The following C14orf39 variants were observed in gnomAD, a reference collection of about 807,000 sequenced individuals.
C14orf39 encodes the protein chromosome 14 open reading frame 39.
A neutral mutation model predicts 85.6 loss-of-function variants in C14orf39; 66 were observed. The observed-to-expected ratio is 0.77, with a 90% CI of 0.63 to 0.95. C14orf39 has a LOEUF of 0.95. Among genes scored for constraint, C14orf39 ranks in the 40% least tolerant of loss-of-function variants. The pLI, the probability that C14orf39 is intolerant of heterozygous loss-of-function variation, is 0.00. For missense variants in C14orf39, 735 were observed against 663.9 expected, an observed-to-expected ratio of 1.11 and a Z score of -1.18; for synonymous variants, 242 against 214.0, an observed-to-expected ratio of 1.13 and a Z score of -1.14.
chr14:60,512,937 T>G (rs1419886287), intron 1 of C14orf39: 1 of 152,200 alleles, frequency 6.6e-6, no homozygotes, highest in Non-Finnish European at 1.5e-5. Context: ...AAGATGTTCT[T>G]TGGATCAGAA....
Position 60,454,729 on chromosome 14 carries a change from A to T in C14orf39, c.1503+272T>A, listed in dbSNP as rs555681483. 9.9e-5 allele frequency among the ~76,000 whole-genome samples: 15 copies of T among 152,138 alleles called. No individual in the cohort carries two copies. The South Asian group carries it at 2.7e-3, about 27-fold the overall frequency. On this transcript the variant is annotated intron_variant, in intron 16 of 17. Transcript: ENST00000321731. ...TGTCTGAAAGTTAGACACATTAACTATAAAGTCAAATTCATTTTTTAAACT... is the reference window on the plus strand; with the variant it reads ...TGTCTGAAAGTTAGACACATTAACTTTAAAGTCAAATTCATTTTTTAAACT...
chr14:60,460,553 A>G (rs1891473287), intron 13 of C14orf39, among the ~76,000 whole-genome samples: 1 of 151,874 alleles, frequency 6.6e-6, no homozygotes, highest in African/African-American at 2.4e-5. Context: ...GTAGACTTTT[A>G]TATACTTTAA....
intron 16 of C14orf39, among the ~76,000 whole-genome samples, chr14:60,449,455 T>C (rs1254330): frequency 0.38 from 58,404 of 152,026 alleles, 12,578 homozygotes; most frequent in East Asian, 0.69. Context: ...GGTTTCAAGA[T>C]TTTCTAGCCC....
chr14:60,454,884 T>C lies in C14orf39; in HGVS notation c.1503+117A>G, dbSNP rs1891197248. On this transcript the variant is annotated intron_variant, in intron 16 of 17. Coordinates refer to ENST00000321731, the MANE Select transcript of C14orf39 (RefSeq NM_174978.3). Reference sequence around the variant, plus strand: ...TGTCATACCATCAATACTCAGAATTTTTTTAAATGCTTCTGTTGATAATCT... The same window carrying C: ...TGTCATACCATCAATACTCAGAATTCTTTTAAATGCTTCTGTTGATAATCT... 3.8e-6 allele frequency: 3 copies of C among 787,324 alleles called. No homozygotes were observed. The South Asian group carries it at 8.5e-5, about 22-fold the overall frequency. 48.8% of individuals were successfully genotyped at this position (787,324 alleles called of 1,614,324 possible).
chr14:60,470,748 A>C (rs1892036422), intron 7 of C14orf39, among the ~76,000 whole-genome samples: 2 of 151,944 alleles, frequency 1.3e-5, no homozygotes, highest in South Asian at 4.1e-4. Context: ...AGCAGACAGA[A>C]AGCAAGGTAG....
chr14:60,485,148 T>C, intron 1 of C14orf39, 62 bp from the exon 2 acceptor site: 2 of 1,378,402 alleles, frequency 1.5e-6, no homozygotes, highest in Non-Finnish European at 2.0e-6. Flanking sequence ...ACAGGATATA[T>C]TTCGTAACGA....
At chr14:60,478,218 C>T (rs1158138164) in intron 5 of C14orf39, 82 bp downstream of exon 5, 2 of 346,828 alleles carry the variant, frequency 5.8e-6, no homozygotes, top group East Asian at 1.0e-4. Context: ...AAAATGTCTA[C>T]ATTTTTCAAC....
chr14:60,480,589 C>T (rs2140152766), intron 4 of C14orf39, among the ~76,000 whole-genome samples: 1 of 152,260 alleles, frequency 6.6e-6, no homozygotes, highest in Admixed American at 6.5e-5. Context: ...ATGATCCAGC[C>T]ATCCCACTTT....
chr14:60,468,244 C>T (rs1310329250), intron 9 of C14orf39, among the ~76,000 whole-genome samples: 1 of 150,938 alleles, frequency 6.6e-6, no homozygotes, highest in Non-Finnish European at 1.5e-5. Flanking sequence ...TATCCTCAGC[C>T]TTACTAAATA....
At chr14:60,507,500 G>GA (rs1893220592) in intron 1 of C14orf39, among the ~76,000 whole-genome samples, 1 of 152,158 alleles carries the variant, frequency 6.6e-6, no homozygotes, top group South Asian at 2.1e-4. Flanking sequence ...TGAACTCTTA[G>GA]AAAAGAAAGC....
chr14:60,450,998 T>C (rs1431901717), intron 16 of C14orf39, among the ~76,000 whole-genome samples: 1 of 152,174 alleles, frequency 6.6e-6, no homozygotes, highest in Non-Finnish European at 1.5e-5. Flanking sequence ...AGACAGGCAC[T>C]ACAAGCCCAG....
At chr14:60,465,156 A>C (rs1253779581) in intron 11 of C14orf39, among the ~76,000 whole-genome samples, 1 of 152,012 alleles carries the variant, frequency 6.6e-6, no homozygotes. Context: ...TTATCTTTCC[A>C]CCCTTATCAC....
intron 13 of C14orf39, 76 bp downstream of exon 13, chr14:60,461,278 T>C (rs535751070): frequency 1.6e-6 from 2 of 1,272,510 alleles, no homozygotes; most frequent in East Asian, 4.7e-5. Context: ...ATCGAAACAA[T>C]TTATTTGACT....
In C14orf39 at chr14:60,474,169, G is replaced by A. The variant is rs1001604612; in HGVS notation, c.324-2430C>T. 1.8e-4 allele frequency among the ~76,000 whole-genome samples: 28 copies of A among 152,170 alleles called. No homozygotes were observed. The East Asian group carries it at 4.2e-3, about 23-fold the overall frequency. On this transcript the variant is annotated intron_variant, in intron 5 of 17. Coordinates refer to ENST00000321731, the MANE Select transcript of C14orf39 (RefSeq NM_174978.3). ...GTATTTTATTCTCTTTGAAGCAATT[G>A]TGAATGGGAGTTCACTCGTGATTTG...
intron 1 of C14orf39, among the ~76,000 whole-genome samples, chr14:60,502,705 G>C (rs1893163270): frequency 6.6e-6 from 1 of 152,152 alleles, no homozygotes; most frequent in Non-Finnish European, 1.5e-5. Context: ...TACTCCCACT[G>C]TCTGCCTGTA....
chr14:60,499,803 T>G (rs887479942), intron 1 of C14orf39, among the ~76,000 whole-genome samples: 1 of 152,212 alleles, frequency 6.6e-6, no homozygotes, highest in Non-Finnish European at 1.5e-5. Flanking sequence ...TCCTTAATAT[T>G]TGAAGTGACC....
intron 1 of C14orf39, among the ~76,000 whole-genome samples, chr14:60,506,405 G>A (rs1893203626): frequency 6.6e-6 from 1 of 152,196 alleles, no homozygotes; most frequent in Admixed American, 6.5e-5. Context: ...CTTTCGTCTG[G>A]CAAACTTGGG....
intron 15 of C14orf39, among the ~76,000 whole-genome samples, chr14:60,456,613 T>C (rs1195429113): frequency 1.3e-5 from 2 of 151,988 alleles, no homozygotes; most frequent in African/African-American, 4.8e-5. Context: ...CTACACACTA[T>C]TGCTTTATAA....
intron 13 of C14orf39, among the ~76,000 whole-genome samples, chr14:60,461,074 A>G (rs567723539): frequency 5.3e-5 from 8 of 152,104 alleles, no homozygotes; most frequent in African/African-American, 1.7e-4. Flanking sequence ...GGAGGGAAAA[A>G]GAATAAAAAT....
Sources: gnomAD v4.1 joint callset for allele counts (sites outside exome capture counted in the v4.1 genomes callset) on GRCh38, gnomAD v4.1.1 for gene constraint, MANE v1.5 for transcripts, NCBI Gene and HGNC (gene_info 2026-07-23, HGNC 2026-07-21) for gene names.